Variants in PIP5K1B observed in about 807,000 individuals in gnomAD.
PIP5K1B encodes phosphatidylinositol 4-phosphate 5-kinase type-1 beta.
Under a neutral mutation model 67.0 loss-of-function variants are expected in PIP5K1B, and 42 were observed. The observed-to-expected ratio is 0.63, with a 90% confidence interval of 0.49 to 0.81. The LOEUF is 0.81. PIP5K1B is among the 30% of genes least tolerant of loss of function. The pLI, the probability that PIP5K1B is intolerant of heterozygous loss-of-function variation, is 0.00. For missense variants in PIP5K1B, 459 were observed against 646.3 expected (o/e 0.71, Z 3.14); for synonymous variants, 214 against 231.4 (o/e 0.92, Z 0.68).
At chr9:68,720,577 C>A (rs1827837360) in intron 1 of PIP5K1B, among the ~76,000 whole-genome samples, 1 of 152,108 alleles carries the variant, frequency 6.6e-6, no homozygotes, top group Non-Finnish European at 1.5e-5. Context: ...GTGCAGCTAC[C>A]AATTTTTTAA....
chr9:68,884,483 C>CA (rs1824359931), intron 6 of PIP5K1B, among the ~76,000 whole-genome samples: 1 of 151,446 alleles, frequency 6.6e-6, no homozygotes, highest in Non-Finnish European at 1.5e-5. Context: ...GGCAACATGG[C>CA]AAAAACCCAT....
At chr9:68,845,438 T>C (rs1004152016) in intron 4 of PIP5K1B, among the ~76,000 whole-genome samples, 2 of 152,230 alleles carry the variant, frequency 1.3e-5, no homozygotes, top group Non-Finnish European at 2.9e-5. Flanking sequence ...AGCTGGGTTT[T>C]GGAGGAGAGT....
At chr9:68,910,214 C>T (rs993037072) in intron 8 of PIP5K1B, among the ~76,000 whole-genome samples, 2 of 152,196 alleles carry the variant, frequency 1.3e-5, no homozygotes, top group Admixed American at 6.5e-5. Context: ...TTTTATCTGC[C>T]ATTTAGCTGT....
intron 2 of PIP5K1B, chr9:68,783,636 C>T (rs898859817): frequency 3.0e-5 from 5 of 166,934 alleles, no homozygotes; most frequent in African/African-American, 1.2e-4. Context: ...TTACTTTTCC[C>T]CATATCTAAT....
At chr9:68,969,064 T>A (rs1829203507) in intron 14 of PIP5K1B, among the ~76,000 whole-genome samples, 1 of 152,112 alleles carries the variant, frequency 6.6e-6, no homozygotes, top group Admixed American at 6.6e-5. Flanking sequence ...CCTACCCTGA[T>A]GGGTTGTTAA....
intron 14 of PIP5K1B, among the ~76,000 whole-genome samples, chr9:68,951,566 G>A (rs1828068649): frequency 1.3e-5 from 2 of 152,194 alleles, no homozygotes; most frequent in South Asian, 4.1e-4. Flanking sequence ...AACCGGTCGA[G>A]CCTTCGCCTT....
rs748240564 is a variant in PIP5K1B, at chr9:68,863,985, T to C, written c.200+18T>C. 6.2e-7 allele frequency: 1 copy of C among 1,612,302 alleles called. No homozygotes were observed. Among genetic ancestry groups the C allele is most frequent in the Non-Finnish European group, 8.5e-7 (1 of 1,178,878 alleles). On this transcript the variant is annotated intron_variant, in intron 5 of 15. Coordinates refer to ENST00000265382, the MANE Select transcript of PIP5K1B (RefSeq NM_003558.4). ...CTACCCAGGTAAGAACATTTTTATT[T>C]GTGATGATTTCCATGCTAAGGAACC... is the stretch of plus-strand genomic sequence containing the variant.
At chr9:68,706,827 A>G (rs1827148205) in intron 1 of PIP5K1B, among the ~76,000 whole-genome samples, 1 of 152,124 alleles carries the variant, frequency 6.6e-6, no homozygotes. Context: ...TTGTCCCTCT[A>G]ATGAAGCACA....
intron 2 of PIP5K1B, among the ~76,000 whole-genome samples, chr9:68,800,789 T>C (rs1832557017): frequency 6.6e-6 from 1 of 152,200 alleles, no homozygotes; most frequent in Admixed American, 6.5e-5. Context: ...GGTTGCCTTT[T>C]TGTCATTCAA....
intron 4 of PIP5K1B, among the ~76,000 whole-genome samples, chr9:68,830,117 C>T (rs1324750589): frequency 6.6e-6 from 1 of 151,544 alleles, no homozygotes; most frequent in African/African-American, 2.4e-5. Context: ...GGCAACAGAG[C>T]AAGACCCCAT....
At chr9:68,933,778 G>C (rs192824965) in intron 12 of PIP5K1B, among the ~76,000 whole-genome samples, 1 of 152,112 alleles carries the variant, frequency 6.6e-6, no homozygotes, top group African/African-American at 2.4e-5. Flanking sequence ...AAGACTGCTC[G>C]AGGGACAAAT....
intron 8 of PIP5K1B, among the ~76,000 whole-genome samples, chr9:68,906,185 ATTT>A (rs1295288555): frequency 6.6e-6 from 1 of 151,966 alleles, no homozygotes; most frequent in Admixed American, 6.6e-5. Flanking sequence ...CACTTGGCTA[ATTT>A]TTGTATTTTT....
intron 14 of PIP5K1B, among the ~76,000 whole-genome samples, chr9:68,986,136 C>T (rs1380302312): frequency 6.6e-6 from 1 of 152,182 alleles, no homozygotes; most frequent in Non-Finnish European, 1.5e-5. Context: ...ATTGGTGTAT[C>T]ATATTGCTTT....
intron 12 of PIP5K1B, among the ~76,000 whole-genome samples, chr9:68,934,666 T>G (rs1287954181): frequency 6.6e-6 from 1 of 152,218 alleles, no homozygotes; most frequent in East Asian, 1.9e-4. Context: ...TCTAGGAAAT[T>G]CTGATTTAAG....
intron 2 of PIP5K1B, among the ~76,000 whole-genome samples, chr9:68,748,311 A>G (rs1423860403): frequency 6.6e-6 from 1 of 152,198 alleles, no homozygotes. Flanking sequence ...ACACAGTCCC[A>G]CCATATCCTT....
intron 2 of PIP5K1B, chr9:68,789,805 C>T (rs533531624): frequency 1.1e-5 from 2 of 174,696 alleles, no homozygotes; most frequent in Non-Finnish European, 2.4e-5. Context: ...AGTATCCCTC[C>T]CTTGAATACC....
intron 1 of PIP5K1B, among the ~76,000 whole-genome samples, chr9:68,736,496 T>A (rs1318339087): frequency 6.6e-6 from 1 of 152,212 alleles, no homozygotes; most frequent in African/African-American, 2.4e-5. Flanking sequence ...ACAAATGGAA[T>A]GGCATAAAAG....
intron 12 of PIP5K1B, among the ~76,000 whole-genome samples, chr9:68,927,440 C>G (rs1233075926): frequency 6.6e-6 from 1 of 152,100 alleles, no homozygotes; most frequent in African/African-American, 2.4e-5. Context: ...TATGTTATTG[C>G]CTGTCTTTTT....
chr9:68,789,609 C>A, intron 2 of PIP5K1B: 1 of 386,928 alleles, frequency 2.6e-6, no homozygotes, highest in East Asian at 7.6e-5. Context: ...TACCACACTT[C>A]TCCAGTGTTT....
Sources: allele counts gnomAD v4.1 joint callset (sites outside exome capture counted in the v4.1 genomes callset), GRCh38; gene constraint gnomAD v4.1.1; transcripts MANE v1.5; gene names NCBI Gene and HGNC (gene_info 2026-07-23, HGNC 2026-07-21).